The following DCHS2 variants were observed in gnomAD, a reference collection of about 807,000 sequenced individuals.
The protein encoded by DCHS2 is protocadherin-23.
In DCHS2, 142 loss-of-function variants were observed where a neutral mutation model predicts 182.4. The observed-to-expected ratio is 0.78, with a 90% CI of 0.68 to 0.89. The LOEUF (loss-of-function observed/expected upper bound fraction) is 0.89, where lower values mean the gene tolerates loss of function less well. DCHS2 is among the 40% of genes least tolerant of loss of function. DCHS2 has a pLI of 0.00. For synonymous variants in DCHS2, 1,740 were observed against 1,663.3 expected (o/e 1.05, Z -1.12); for missense variants, 4,319 against 4,198.6 (o/e 1.03, Z -0.79).
At chr4:154,239,540 G>T (rs1436758167) in intron 18 of DCHS2, among the ~76,000 whole-genome samples, 1 of 152,118 alleles carries the variant, frequency 6.6e-6, no homozygotes, top group Non-Finnish European at 1.5e-5. Context: ...ATGCAGTCTT[G>T]CTCTGTTGCC....
At chr4:154,247,370 C>T (rs1431126923) in intron 16 of DCHS2, among the ~76,000 whole-genome samples, 7 of 148,000 alleles carry the variant, frequency 4.7e-5, no homozygotes, top group African/African-American at 1.3e-4. Context: ...CCCAGCTACT[C>T]GGGAGGCTGA....
At chr4:154,305,017 T>C in intron 11 of DCHS2, 80 bp downstream of exon 11, 1 of 1,507,146 alleles carries the variant, frequency 6.6e-7, no homozygotes, top group Non-Finnish European at 8.8e-7. Flanking sequence ...CAACAAAATA[T>C]AACATTTCAC....
chr4:154,459,372 A>G (rs941326790), intron 1 of DCHS2, among the ~76,000 whole-genome samples: 4 of 152,168 alleles, frequency 2.6e-5, no homozygotes, highest in African/African-American at 9.7e-5. Flanking sequence ...AAGGAATTTT[A>G]CGTTTCATTA....
chr4:154,298,147 G>A lies in DCHS2; in HGVS notation c.6167C>T (p.Thr2056Ile). 6.2e-7 allele frequency: 1 copy of A among 1,614,084 alleles called. No homozygotes were observed. Among genetic ancestry groups the A allele is most frequent in the Non-Finnish European group, 8.5e-7 (1 of 1,180,002 alleles). Reference protein sequence around the residue: ...FLSPESPTNQTTVIVRADDLD... With the variant: ...FLSPESPTNQITVIVRADDLD... ...GTCATCAGCTCTCACAATGACAGTT[G>A]TCTGGTTTGTAGGCGACTCGGGGGA... is the stretch of plus-strand genomic sequence containing the variant. Residue 2056 changes from threonine to isoleucine, a missense_variant, in exon 13 of 20, where the codon ACA becomes ATA. Transcript: ENST00000357232.
intron 12 of DCHS2, among the ~76,000 whole-genome samples, chr4:154,302,296 A>G (rs889291289): frequency 1.3e-5 from 2 of 152,220 alleles, no homozygotes; most frequent in Admixed American, 6.5e-5. Context: ...GAGCTATGAA[A>G]ATTTACAATT....
Position 154,234,595 on chromosome 4 carries a change from C to T in DCHS2, c.10057G>A (p.Gly3353Arg). The stretch of plus-strand genomic sequence containing the variant: ...TGGCATGTACCACTGATGTGTGTTC[C>T]TAATAATTCTCCTTCTCTCAACAGT... Reference protein sequence around the residue: ...SPLLREGELLGTHISGTCHEL... With the variant: ...SPLLREGELLRTHISGTCHEL... The change falls in exon 20 of 20, where the codon GGA (glycine) becomes AGA (arginine). Residue 3353 changes from glycine (G) to arginine (R), a missense_variant. By Grantham distance (125) the Gly-to-Arg change is moderately radical. Transcript: ENST00000357232. The T allele has an allele frequency of 6.2e-7, 1 of 1,613,946 alleles. No homozygotes were observed. The highest frequency in any genetic ancestry group is 2.2e-5 in the East Asian group (1 of 44,850).
At chr4:154,397,164 A>G (rs908254975) in intron 1 of DCHS2, among the ~76,000 whole-genome samples, 1 of 152,320 alleles carries the variant, frequency 6.6e-6, no homozygotes, top group East Asian at 1.9e-4. Flanking sequence ...TCTAATGACA[A>G]CAGAAAGCCA....
rs1342666903 is a variant in DCHS2, at chr4:154,491,310, G to C, written c.46C>G (p.Arg16Gly). Residue 16 changes from arginine to glycine, a missense_variant, in exon 1 of 20, where the codon CGG becomes GGG. By Grantham distance (125) the Arg-to-Gly change is moderately radical (BLOSUM62 -2). Transcript: ENST00000357232. ...RKMGEGRQQR[R>G]APVGKLLLLP... ...AGAAGGAGCTTCCCGACCGGAGCCC[G>C]CCGCTGCTGACGCCCTTCGCCCATC... is the stretch of plus-strand genomic sequence containing the variant. 2 of 1,548,008 alleles carry C rather than the reference G, an allele frequency of 1.3e-6. No individual in the cohort carries two copies. Among genetic ancestry groups the C allele is most frequent in the Non-Finnish European group, 1.7e-6 (2 of 1,144,746 alleles).
At chr4:154,304,413 G>A (rs1005966225) in intron 12 of DCHS2, among the ~76,000 whole-genome samples, 1 of 152,092 alleles carries the variant, frequency 6.6e-6, no homozygotes, top group South Asian at 2.1e-4. Context: ...GACTGGGTGT[G>A]TATTTTGTAG....
At chr4:154,260,147 G>A (rs922470980) in intron 14 of DCHS2, among the ~76,000 whole-genome samples, 1 of 152,136 alleles carries the variant, frequency 6.6e-6, no homozygotes, top group African/African-American at 2.4e-5. Context: ...ATGACTCAAA[G>A]CATCTTTGCC....
chr4:154,250,524 C>T (rs1045468111), intron 16 of DCHS2, among the ~76,000 whole-genome samples: 4 of 152,122 alleles, frequency 2.6e-5, no homozygotes, highest in African/African-American at 9.7e-5. Flanking sequence ...GTCCTTCCAC[C>T]TCAAAATACC....
At chr4:154,291,223 CA>C (rs1267603097) in intron 13 of DCHS2, among the ~76,000 whole-genome samples, 3 of 151,636 alleles carry the variant, frequency 2.0e-5, no homozygotes, top group Non-Finnish European at 4.4e-5. Context: ...AAATGCAAAT[CA>C]AAAAACTACA....
intron 1 of DCHS2, among the ~76,000 whole-genome samples, chr4:154,433,649 C>A (rs1007027445): frequency 4.5e-4 from 69 of 152,232 alleles, no homozygotes; most frequent in African/African-American, 1.6e-3. Flanking sequence ...CTGCCTCAGC[C>A]TCCCAAAGTG....
At chr4:154,385,614 A>G (rs116156492) in intron 1 of DCHS2, among the ~76,000 whole-genome samples, 4,139 of 151,990 alleles carry the variant, frequency 0.027, 171 homozygotes, top group South Asian at 0.14. Flanking sequence ...TAGCCTCCCA[A>G]GTGCTGAGAC....
chr4:154,277,687 A>G (rs946910891), intron 13 of DCHS2, among the ~76,000 whole-genome samples: 1 of 152,110 alleles, frequency 6.6e-6, no homozygotes, highest in East Asian at 1.9e-4. Context: ...TGGCTGAATC[A>G]ATGGAATAAA....
intron 1 of DCHS2, among the ~76,000 whole-genome samples, chr4:154,461,229 T>C (rs1304068423): frequency 1.3e-5 from 2 of 152,238 alleles, no homozygotes; most frequent in African/African-American, 4.8e-5. Context: ...GAGTTTTTCA[T>C]TGAAAACACG....
chr4:154,490,481 T>C lies in DCHS2; in HGVS notation c.875A>G (p.Asn292Ser). The change falls in exon 1 of 20, where the codon AAC becomes AGC. Residue 292 changes from asparagine (N) to serine (S), a missense_variant. By Grantham distance (46) the Asn-to-Ser change is conservative (BLOSUM62 1). Coordinates refer to ENST00000357232, the MANE Select transcript of DCHS2 (RefSeq NM_001358235.2). ...CTCGTCCTGCTCAAAGACCGGCGGG[T>C]TGTCGTTCTCATCCAGCACGCGCAG... ...VELRVLDEND[N>S]PPVFEQDEYR... 6.5e-7 allele frequency: 1 copy of C among 1,535,686 alleles called. No homozygotes were observed. The highest frequency in any genetic ancestry group is 8.7e-7 in the Non-Finnish European group (1 of 1,146,256).
chr4:154,466,105 G>C (rs974415318), intron 1 of DCHS2, among the ~76,000 whole-genome samples: 2 of 152,044 alleles, frequency 1.3e-5, no homozygotes, highest in Non-Finnish European at 2.9e-5. Flanking sequence ...CAGCATGCTG[G>C]TGTAATTGGG....
rs1560790983 is a variant in DCHS2 at position 154,490,848 on chromosome 4, C to G, written c.508G>C (p.Asp170His). ...VNDHSPRFPL[D>H]SLQLDVSELS... ...TCGGAGACGTCGAGTTGCAGGGAGT[C>G]GAGGGGAAAGCGGGGCGAGTGGTCA... is the stretch of plus-strand genomic sequence containing the variant. The change falls in exon 1 of 20, where the codon GAC becomes CAC. Residue 170 changes from aspartate to histidine, a missense_variant. Physicochemically the swap from Asp to His is moderately conservative, Grantham distance 81. Transcript: ENST00000357232. 1.3e-6 allele frequency: 2 copies of G among 1,551,558 alleles called. No homozygotes were observed. Among genetic ancestry groups the G allele is most frequent in the African/African-American group, 1.4e-5 (1 of 73,168 alleles).
Sources: allele counts gnomAD v4.1 joint callset (sites outside exome capture counted in the v4.1 genomes callset), GRCh38; gene constraint gnomAD v4.1.1; transcripts MANE v1.5; gene names NCBI Gene and HGNC (gene_info 2026-07-23, HGNC 2026-07-21).